PRH1: variants seen among roughly 807,000 people sequenced by gnomAD.
The protein encoded by PRH1 is proline rich protein HaeIII subfamily 1.
In PRH1, 7 loss-of-function variants were observed where a neutral mutation model predicts 7.9. The observed-to-expected ratio is 0.89, with a 90% CI of 0.50 to 1.67. The LOEUF is 1.67. PRH1 is among the 40% of genes most tolerant of loss of function. The pLI is 0.00. For missense variants in PRH1, 109 were observed against 223.6 expected (o/e 0.49, Z 3.27); for synonymous variants, 45 against 80.8 (o/e 0.56, Z 2.38).
At chr12:11,131,997 T>C (rs892912616) in intron 1 of PRH1, among the ~76,000 whole-genome samples, 2 of 152,224 alleles carry the variant, frequency 1.3e-5, no homozygotes, top group Non-Finnish European at 2.9e-5. Context: ...TTATGGTTCT[T>C]ACATTGTACT....
chr12:10,985,571 C>T (rs1046853159), intron 1 of PRH1, among the ~76,000 whole-genome samples: 5 of 151,984 alleles, frequency 3.3e-5, no homozygotes, highest in African/African-American at 4.8e-5. Context: ...CACTTCTTAA[C>T]AATTATAAGT....
At position 10,982,550 on chromosome 12, in the gene PRH1, T is replaced by C. The variant is rs115245620; in HGVS notation, c.-125-8829A>G. 3.1e-3 allele frequency among the ~76,000 whole-genome samples: 474 copies of C among 152,306 alleles called. 3 individuals carry two copies. Among genetic ancestry groups the C allele is most frequent in the African/African-American group, 9.4e-3 (390 of 41,568 alleles). ...ATCAAAACAATTTGCTTTGGTGTGG[T>C]AAAAACAAGAACACTGCTTCACTGT... On this transcript the variant is annotated intron_variant, in intron 1 of 3. Coordinates refer to the PRH1 transcript ENST00000539853.
At chr12:10,899,607 C>A (rs1454257765) in intron 2 of PRH1, among the ~76,000 whole-genome samples, 1 of 152,190 alleles carries the variant, frequency 6.6e-6, no homozygotes, top group African/African-American at 2.4e-5. Context: ...CATGTGCCCG[C>A]TTCTGCTTTG....
intron 2 of PRH1, among the ~76,000 whole-genome samples, chr12:10,918,279 C>T (rs1258023351): frequency 1.3e-5 from 2 of 152,062 alleles, no homozygotes; most frequent in African/African-American, 2.4e-5. Flanking sequence ...GGCTTAATAT[C>T]TAGGTGATAG....
At position 11,072,304 on chromosome 12, in the gene PRH1, A is replaced by G. The variant is rs1944109784; in HGVS notation, n.124-25116T>C. Reference sequence around the variant, plus strand: ...ACCAAGCCTGCACTGGGAGTTTTTGAAGGTCAGATGCTACCTAGATTTTTG... The same window carrying G: ...ACCAAGCCTGCACTGGGAGTTTTTGGAGGTCAGATGCTACCTAGATTTTTG... On this transcript the variant is annotated intron_variant and non_coding_transcript_variant, in intron 1 of 4. Transcript: ENST00000541977. Among the ~76,000 whole-genome samples the G allele has an allele frequency of 3.3e-5, 5 of 152,152 alleles. No individual in the cohort carries two copies. The South Asian group carries it at 1.0e-3, about 32-fold the overall frequency.
intron 1 of PRH1, chr12:11,061,764 T>G (rs760466097): frequency 1.6e-6 from 2 of 1,239,796 alleles, no homozygotes; most frequent in East Asian, 9.2e-5. Context: ...TGGTTACCGT[T>G]GTATTTGAAA....
chr12:11,007,095 T>C (rs1940866409), intron 1 of PRH1, among the ~76,000 whole-genome samples: 1 of 152,112 alleles, frequency 6.6e-6, no homozygotes, highest in African/African-American at 2.4e-5. Context: ...ATGTCTAAAC[T>C]GTTAAAAGAG....
At chr12:11,011,610 T>C (rs1365274622) in intron 1 of PRH1, among the ~76,000 whole-genome samples, 3 of 152,152 alleles carry the variant, frequency 2.0e-5, no homozygotes, top group African/African-American at 4.8e-5. Flanking sequence ...AATTCCTACA[T>C]TGGATGTCTA....
intron 1 of PRH1, among the ~76,000 whole-genome samples, chr12:11,152,830 G>A (rs1947140547): frequency 6.6e-6 from 1 of 152,142 alleles, no homozygotes; most frequent in South Asian, 2.1e-4. Context: ...GGGCCTTCTT[G>A]TATTTTGATG....
At chr12:10,948,254 AG>A (rs1950517735) in intron 2 of PRH1, among the ~76,000 whole-genome samples, 1 of 152,216 alleles carries the variant, frequency 6.6e-6, no homozygotes, top group Non-Finnish European at 1.5e-5. Flanking sequence ...TCTCCCTTTC[AG>A]GGATTCCAGT....
chr12:11,031,669 T>A (rs182165838), intron 1 of PRH1, among the ~76,000 whole-genome samples: 286 of 152,322 alleles, frequency 1.9e-3, no homozygotes, highest in African/African-American at 6.6e-3. Flanking sequence ...TCCCTGCCAT[T>A]GGCTACTTTT....
chr12:11,053,281 C>G (rs1467936108), intron 1 of PRH1, among the ~76,000 whole-genome samples: 6 of 152,182 alleles, frequency 3.9e-5, no homozygotes, highest in African/African-American at 9.6e-5. Context: ...TGAATTACAT[C>G]ATTATCCAAA....
chr12:10,947,685 G>C (rs1191453838), intron 2 of PRH1, among the ~76,000 whole-genome samples: 1 of 151,976 alleles, frequency 6.6e-6, no homozygotes, highest in Admixed American at 6.6e-5. Flanking sequence ...CTGTTAGCTT[G>C]TTATTATGTT....
At chr12:11,159,309 ACT>A (rs1465765773) in intron 1 of PRH1, 4 of 143,252 alleles carry the variant, frequency 2.8e-5, no homozygotes, top group African/African-American at 7.5e-5. Context: ...CACAAGAACC[ACT>A]CTGTTCATTC....
At chr12:11,003,540 C>A (rs1005496064) in intron 1 of PRH1, among the ~76,000 whole-genome samples, 1 of 151,664 alleles carries the variant, frequency 6.6e-6, no homozygotes, top group African/African-American at 2.4e-5. Context: ...ACAGTTTTGC[C>A]ACCAATGTAA....
chr12:10,892,264 T>C (rs1949584870), intron 2 of PRH1, among the ~76,000 whole-genome samples: 1 of 152,200 alleles, frequency 6.6e-6, no homozygotes, highest in Non-Finnish European at 1.5e-5. Flanking sequence ...TTTCCCAACA[T>C]CCATTCCCAA....
chr12:11,065,602 T>C (rs1361579659), intron 1 of PRH1, among the ~76,000 whole-genome samples: 1 of 152,218 alleles, frequency 6.6e-6, no homozygotes, highest in Non-Finnish European at 1.5e-5. Flanking sequence ...TATTCATTAC[T>C]CTTTTTTATC....
chr12:11,147,851 G>A (rs1946915238), intron 1 of PRH1, among the ~76,000 whole-genome samples: 1 of 151,934 alleles, frequency 6.6e-6, no homozygotes. Flanking sequence ...GATGGGGATG[G>A]CATTGAATCT....
At chr12:11,061,665 C>A in intron 1 of PRH1, 1 of 1,576,812 alleles carries the variant, frequency 6.3e-7, no homozygotes, top group Non-Finnish European at 8.6e-7. Context: ...TGCCATGGAG[C>A]TGCATCTTTT....
Sources: gnomAD v4.1 joint callset for allele counts (sites outside exome capture counted in the v4.1 genomes callset) on GRCh38, gnomAD v4.1.1 for gene constraint, MANE v1.5 for transcripts, NCBI Gene and HGNC (gene_info 2026-07-23, HGNC 2026-07-21) for gene names.